Variants in TEX14 observed in about 807,000 individuals in gnomAD.
TEX14 encodes the protein testis expressed 14, intercellular bridge forming factor.
Under a neutral mutation model 178.6 loss-of-function variants are expected in TEX14, and 168 were observed. That is an observed-to-expected ratio of 0.94 (90% CI 0.83 to 1.07). The LOEUF is 1.07. Among genes scored for constraint, TEX14 ranks in the 50% least tolerant of loss-of-function variants. TEX14 has a pLI of 0.00. For synonymous variants in TEX14, 626 were observed against 634.1 expected, an observed-to-expected ratio of 0.99 and a Z score of 0.19; for missense variants, 1,730 against 1,753.6, an observed-to-expected ratio of 0.99 and a Z score of 0.24.
intron 21 of TEX14, among the ~76,000 whole-genome samples, chr17:58,576,914 T>C (rs1158302891): frequency 6.6e-6 from 1 of 152,220 alleles, no homozygotes; most frequent in South Asian, 2.1e-4. Flanking sequence ...CAAAGTCTGT[T>C]TAATCATTTA....
chr17:58,563,821 C>G (rs1206102550), intron 28 of TEX14, among the ~76,000 whole-genome samples: 1 of 149,824 alleles, frequency 6.7e-6, no homozygotes, highest in Non-Finnish European at 1.5e-5. Flanking sequence ...GACACACACA[C>G]ACACACACAC....
intron 22 of TEX14, 88 bp downstream of exon 22, chr17:58,574,099 G>T (rs1271830532): frequency 3.6e-6 from 4 of 1,098,000 alleles, no homozygotes; most frequent in East Asian, 4.8e-5. Context: ...CGTAAAAATG[G>T]AAAGATCCTT....
intron 19 of TEX14, among the ~76,000 whole-genome samples, chr17:58,579,963 C>T (rs924076761): frequency 6.6e-6 from 1 of 152,210 alleles, no homozygotes; most frequent in African/African-American, 2.4e-5. Context: ...TTATGTGACT[C>T]CGCCTCCTTA....
chr17:58,599,489 C>T lies in TEX14; in HGVS notation c.1856G>A (p.Ser619Asn). Residue 619 changes from serine (S) to asparagine (N), a missense_variant, in exon 14 of 32, where the codon AGT becomes AAT. Around this residue, in one of 2 missense-constraint regions of TEX14, gnomAD observed 941 missense variants for 1,072.4 expected, o/e 0.88. Coordinates refer to ENST00000349033, the MANE Select transcript of TEX14 (RefSeq NM_031272.5). The stretch of plus-strand genomic sequence containing the variant: ...TGAGTAGATCTCGTTGATTTCGAAA[C>T]TGCAGAGGCTTGGCTGACCTGTGCT... ...SPSTGQPSLC[S>N]FEINEIYSGC... The T allele has an allele frequency of 6.2e-7, 1 of 1,605,024 alleles. No individual in the cohort carries two copies. Among genetic ancestry groups the T allele is most frequent in the African/African-American group, 1.4e-5 (1 of 71,982 alleles).
At chr17:58,659,612 T>C (rs2047065222) in intron 1 of TEX14, among the ~76,000 whole-genome samples, 1 of 152,236 alleles carries the variant, frequency 6.6e-6, no homozygotes, top group South Asian at 2.1e-4. Flanking sequence ...CTCCCAAGGA[T>C]TCAAAAGAAA....
At chr17:58,661,009 A>G in intron 1 of TEX14, 1 of 1,171,682 alleles carries the variant, frequency 8.5e-7, no homozygotes, top group Non-Finnish European at 1.3e-6. Flanking sequence ...TCTGAAGGTG[A>G]AGAAGATAAT....
rs774035659 is a variant in TEX14, at chr17:58,574,268, G to C, written c.3321-19C>G. On this transcript the variant is annotated intron_variant, in intron 21 of 31. Coordinates refer to ENST00000349033, the MANE Select transcript of TEX14 (RefSeq NM_031272.5). ...TTCAGTACTGTGAGAAAGAAAGTAA[G>C]AAAATTACATAAATCCCCTCTGTGA... 6.3e-7 allele frequency: 1 copy of C among 1,595,952 alleles called. No individual in the cohort carries two copies. Among genetic ancestry groups the C allele is most frequent in the South Asian group, 1.1e-5 (1 of 90,544 alleles).
intron 24 of TEX14, among the ~76,000 whole-genome samples, chr17:58,570,737 T>G (rs1196300182): frequency 6.8e-6 from 1 of 148,012 alleles, no homozygotes; most frequent in Non-Finnish European, 1.5e-5. Context: ...GCAATTCTCC[T>G]GCCTCAGCCT....
chr17:58,661,567 C>T, intron 1 of TEX14: 4 of 738,808 alleles, frequency 5.4e-6, no homozygotes, highest in South Asian at 2.9e-5. Flanking sequence ...GGAGCCGCGG[C>T]GGCGGCAGGA....
intron 1 of TEX14, among the ~76,000 whole-genome samples, chr17:58,690,645 T>C (rs993679404): frequency 7.9e-5 from 12 of 152,204 alleles, no homozygotes; most frequent in Non-Finnish European, 1.5e-4. Context: ...AGATAGTATT[T>C]ATGCATCCAC....
At chr17:58,663,108 CA>C (rs113078995) in intron 1 of TEX14, among the ~76,000 whole-genome samples, 1,402 of 76,826 alleles carry the variant, frequency 0.018, 15 homozygotes, top group African/African-American at 0.056. Flanking sequence ...GACTCCGTCT[CA>C]AAAAAAAAAA....
In TEX14 at chr17:58,564,903, T is replaced by C. The variant is rs781220375; in HGVS notation, c.4030A>G (p.Lys1344Glu). ...TCCTCTCCAAGATCTTCAGTTTCTT[T>C]GGACAAAAGCATACTACTATCTTCT... ...KKEDSSMLLS[K>E]ETEDLGEDTE... is the part of the protein sequence containing the mutation. Residue 1344 changes from lysine (K) to glutamate (E), a missense_variant, in exon 28 of 32, where the codon AAA (lysine) becomes GAA (glutamate). This residue lies in a region of TEX14 where 941 missense variants were observed against 1,072.4 expected (regional missense o/e 0.88). Coordinates refer to ENST00000349033, the MANE Select transcript of TEX14 (RefSeq NM_031272.5). 3 of 1,606,952 alleles carry C rather than the reference T, an allele frequency of 1.9e-6. No homozygotes were observed. In the South Asian group the frequency reaches 3.3e-5, roughly 18 times the overall value.
intron 1 of TEX14, chr17:58,661,346 G>T: frequency 2.2e-6 from 2 of 904,452 alleles, no homozygotes; most frequent in East Asian, 2.4e-5. Flanking sequence ...TCCTTGAAAC[G>T]CTGGCACCAT....
intron 19 of TEX14, among the ~76,000 whole-genome samples, chr17:58,582,854 G>A (rs917572323): frequency 2.0e-5 from 3 of 150,464 alleles, no homozygotes; most frequent in Non-Finnish European, 3.0e-5. Flanking sequence ...GTGAGCCACC[G>A]CGACCGGCCT....
chr17:58,559,529 T>C lies in TEX14; in HGVS notation c.4191A>G (p.Glu1397=). 1 of 1,577,562 alleles carries C rather than the reference T, an allele frequency of 6.3e-7. No homozygotes were observed. The highest frequency in any genetic ancestry group is 1.7e-5 in the Admixed American group (1 of 59,922). ...TGCTATCTTCCCTTTTTCTTTTCTC[T>C]TCACCAACTTTTTGATCTTTGATAT... ...ETNIKDQKVG[E]EKRKREDSIT... The change falls in exon 30 of 32, where the codon GAA becomes GAG. Residue 1397 remains glutamate (E), a synonymous_variant. Coordinates refer to ENST00000349033, the MANE Select transcript of TEX14 (RefSeq NM_031272.5).
rs1299240958 is a variant in TEX14 at position 58,571,965 on chromosome 17, G to A, written c.3673C>T (p.Leu1225Phe). The A allele has an allele frequency of 6.2e-7, 1 of 1,614,150 alleles. No homozygotes were observed. Among genetic ancestry groups the A allele is most frequent in the Admixed American group, 1.7e-5 (1 of 60,018 alleles). ...GGGGGAGTTTCAGAGGAAGTAAGGA[G>A]AGAATCCAGTTTCTTTGCTCTCTCT... Reference protein sequence around the residue: ...VRERAKKLDSLLTSSETPPSR... With the variant: ...VRERAKKLDSFLTSSETPPSR... The change falls in exon 24 of 32, where the codon CTC (leucine) becomes TTC (phenylalanine). Residue 1225 changes from leucine (L) to phenylalanine (F), a missense_variant. By Grantham distance (22) the Leu-to-Phe change is conservative (BLOSUM62 0). Around this residue, in one of 2 missense-constraint regions of TEX14, gnomAD observed 941 missense variants for 1,072.4 expected, o/e 0.88. Coordinates refer to ENST00000349033, the MANE Select transcript of TEX14 (RefSeq NM_031272.5).
At chr17:58,621,883 C>T in intron 4 of TEX14, 97 bp from the exon 5 acceptor site, 1 of 1,370,080 alleles carries the variant, frequency 7.3e-7, no homozygotes, top group Non-Finnish European at 9.7e-7. Context: ...AGCTGAGAGC[C>T]CCCAACAGAA....
intron 19 of TEX14, among the ~76,000 whole-genome samples, chr17:58,582,194 C>T (rs1401879345): frequency 6.6e-6 from 1 of 152,092 alleles, no homozygotes; most frequent in Non-Finnish European, 1.5e-5. Flanking sequence ...AATGAAGAAG[C>T]ATTTTAAAAA....
intron 8 of TEX14, among the ~76,000 whole-genome samples, chr17:58,614,139 A>G (rs2045815306): frequency 6.6e-6 from 1 of 152,128 alleles, no homozygotes; most frequent in Non-Finnish European, 1.5e-5. Flanking sequence ...GATCCTAACA[A>G]CCACCTGCAA....
Sources: allele counts gnomAD v4.1 joint callset (sites outside exome capture counted in the v4.1 genomes callset), GRCh38; gene constraint gnomAD v4.1.1; regional missense constraint gnomAD v4.1.1; transcripts MANE v1.5; gene names NCBI Gene and HGNC (gene_info 2026-07-23, HGNC 2026-07-21).